CDYL: variants seen among roughly 807,000 people sequenced by gnomAD.
CDYL encodes the protein chromodomain Y like, also known as chromodomain Y-like protein.
CDYL carries 8 observed loss-of-function variants against 47.3 expected under a neutral mutation model. The ratio of observed to expected loss-of-function variants is 0.17; its 90% CI spans 0.10 to 0.31. The LOEUF (loss-of-function observed/expected upper bound fraction) is 0.31. CDYL is among the 10% of genes least tolerant of loss of function. CDYL has a pLI of 1.00. For synonymous variants in CDYL, 266 were observed against 265.0 expected (o/e 1.00, Z -0.04); for missense variants, 471 against 701.4 (o/e 0.67, Z 3.71).
At chr6:4,847,024 C>T (rs959881633) in intron 1 of CDYL, among the ~76,000 whole-genome samples, 1 of 152,220 alleles carries the variant, frequency 6.6e-6, no homozygotes, top group African/African-American at 2.4e-5. Flanking sequence ...CTGCACACTA[C>T]GTTTACACAG....
rs1761693376 is a variant in CDYL, at chr6:4,879,096, A to C, written c.25-12617A>C. ...TCACTCTTTTAAAATTTTTATTGAG[A>C]CTTATTTTATGGCTTACCAAGTGGT... On this transcript the variant is annotated intron_variant, in intron 1 of 6. Coordinates refer to ENST00000397588, the MANE Select transcript of CDYL (RefSeq NM_004824.4). Among the ~76,000 whole-genome samples, 4 of 152,142 alleles carry C rather than the reference A, an allele frequency of 2.6e-5. No individual in the cohort carries two copies. The South Asian group carries it at 8.3e-4, about 31-fold the overall frequency.
intron 2 of CDYL, among the ~76,000 whole-genome samples, chr6:4,900,779 G>GTGTGTGTGTATATATATATA: frequency 9.7e-5 from 5 of 51,712 alleles, no homozygotes; most frequent in Admixed American, 2.0e-4. Flanking sequence ...GTATACGTGT[G>GTGTGTGTGTATATATATATA]TATATATATA....
At chr6:4,924,576 TC>T (rs1342401501) in intron 2 of CDYL, among the ~76,000 whole-genome samples, 5 of 152,186 alleles carry the variant, frequency 3.3e-5, no homozygotes, top group Non-Finnish European at 7.3e-5. Flanking sequence ...CCATCCTCAC[TC>T]CCCATTGAGC....
chr6:4,922,499 A>G (rs925650384), intron 2 of CDYL, among the ~76,000 whole-genome samples: 3 of 152,256 alleles, frequency 2.0e-5, no homozygotes, highest in Non-Finnish European at 4.4e-5. Context: ...AAGTGTGTCT[A>G]CATTGGAGAC....
intron 5 of CDYL, among the ~76,000 whole-genome samples, chr6:4,948,216 T>A (rs942433604): frequency 6.6e-6 from 1 of 152,200 alleles, no homozygotes; most frequent in Admixed American, 6.5e-5. Flanking sequence ...CCTCCCACTG[T>A]ATGATCTATG....
intron 1 of CDYL, among the ~76,000 whole-genome samples, chr6:4,832,970 T>A (rs1256229481): frequency 1.1e-4 from 16 of 152,074 alleles, no homozygotes; most frequent in Non-Finnish European, 2.2e-4. Context: ...TCTTTTTTTC[T>A]TTATTAGTCT....
chr6:4,837,095 G>A (rs1760338844), intron 1 of CDYL, among the ~76,000 whole-genome samples: 5 of 152,184 alleles, frequency 3.3e-5, no homozygotes, highest in Admixed American at 3.3e-4. Context: ...TGAGGATCCA[G>A]ATAAGATAGG....
intron 2 of CDYL, among the ~76,000 whole-genome samples, chr6:4,935,252 G>A (rs1299886227): frequency 6.6e-6 from 1 of 152,104 alleles, no homozygotes; most frequent in African/African-American, 2.4e-5. Context: ...CTCTAACTAT[G>A]TAGCTTCCTT....
chr6:4,921,574 C>T (rs1312678081), intron 2 of CDYL, among the ~76,000 whole-genome samples: 2 of 152,082 alleles, frequency 1.3e-5, no homozygotes, highest in East Asian at 1.9e-4. Flanking sequence ...TGTTATTCCT[C>T]GTAGGTGGGT....
chr6:4,729,598 A>G (rs62384813), intron 2 of CDYL, among the ~76,000 whole-genome samples: 78 of 152,344 alleles, frequency 5.1e-4, no homozygotes, highest in Non-Finnish European at 1.0e-3. Context: ...AAAAAAAACA[A>G]TGACCAAATC....
intron 4 of CDYL, 109 bp from the exon 5 acceptor site, chr6:4,943,437 C>A: frequency 1.3e-6 from 1 of 777,856 alleles, no homozygotes. Context: ...CTCAAGTCTT[C>A]AGGATTTCCG....
At chr6:4,792,973 C>T (rs1758966782) in intron 1 of CDYL, among the ~76,000 whole-genome samples, 1 of 152,164 alleles carries the variant, frequency 6.6e-6, no homozygotes, top group Non-Finnish European at 1.5e-5. Context: ...ATAGATGTTT[C>T]CATCCATGTG....
At chr6:4,828,908 T>G (rs1760056663) in intron 1 of CDYL, among the ~76,000 whole-genome samples, 1 of 152,206 alleles carries the variant, frequency 6.6e-6, no homozygotes, top group South Asian at 2.1e-4. Flanking sequence ...CTCTAGTGAA[T>G]TTTTTATTTC....
intron 3 of CDYL, among the ~76,000 whole-genome samples, chr6:4,767,592 T>TGAGGG (rs751817157): frequency 6.4e-5 from 9 of 139,572 alleles, no homozygotes; most frequent in Non-Finnish European, 9.2e-5. Flanking sequence ...AGAGGCGAGA[T>TGAGGG]GAGGGGAGGG....
At chr6:4,853,485 TCCTCCTTCTCCTTCTCATTCC>T (rs1760913242) in intron 1 of CDYL, among the ~76,000 whole-genome samples, 1 of 152,004 alleles carries the variant, frequency 6.6e-6, no homozygotes, top group African/African-American at 2.4e-5. Flanking sequence ...TTCCTTCTCT[TCCTCCTTCTCCTTCTCATTCC>T]CCTCCTCCTC....
chr6:4,809,017 G>A (rs939783905), intron 1 of CDYL, among the ~76,000 whole-genome samples: 5 of 152,058 alleles, frequency 3.3e-5, no homozygotes, highest in Admixed American at 2.0e-4. Context: ...AAGCCTCCTC[G>A]TTCCAGCTTT....
intron 2 of CDYL, among the ~76,000 whole-genome samples, chr6:4,908,676 C>G (rs1367536723): frequency 1.3e-5 from 2 of 152,172 alleles, no homozygotes; most frequent in African/African-American, 4.8e-5. Flanking sequence ...GTCTCTCTTT[C>G]CCCATTTTCT....
intron 1 of CDYL, among the ~76,000 whole-genome samples, chr6:4,871,117 G>T (rs988991497): frequency 6.6e-6 from 1 of 152,138 alleles, no homozygotes. Flanking sequence ...ACTTGCCTAG[G>T]TGTAAGTTGA....
chr6:4,712,927 T>G (rs969335861), intron 1 of CDYL, among the ~76,000 whole-genome samples: 3 of 152,172 alleles, frequency 2.0e-5, no homozygotes, highest in Admixed American at 6.5e-5. Flanking sequence ...GGCAGATCAC[T>G]TGAGGCCAGG....
Sources: allele counts gnomAD v4.1 joint callset (sites outside exome capture counted in the v4.1 genomes callset), GRCh38; gene constraint gnomAD v4.1.1; transcripts MANE v1.5; gene names NCBI Gene and HGNC (gene_info 2026-07-23, HGNC 2026-07-21).